Variants in GLP1R observed in about 807,000 individuals in gnomAD.
GLP1R encodes the protein glucagon like peptide 1 receptor.
In GLP1R, 32 loss-of-function variants were observed where a neutral mutation model predicts 68.4. The ratio of observed to expected loss-of-function variants is 0.47; its 90% CI spans 0.35 to 0.63. The LOEUF is 0.63. Ranked by LOEUF, GLP1R falls within the 20% of genes least tolerant of loss-of-function variation. The probability of loss-of-function intolerance (pLI) is 0.00; values close to 1 mark genes in which losing one functional copy is unlikely to be tolerated. For synonymous variants in GLP1R, 263 were observed against 244.4 expected (o/e 1.08, Z -0.71); for missense variants, 502 against 594.9 (o/e 0.84, Z 1.62).
rs137900741 is a variant in GLP1R at position 39,078,377 on chromosome 6, C to T, written c.879C>T (p.Asp293=). 93 of 1,609,014 alleles carry T rather than the reference C, an allele frequency of 5.8e-5. No homozygotes were observed. In the African/African-American group the frequency reaches 6.0e-4, roughly 10 times the overall value. ...PWGIVKYLYE[D]EGCWTRNSNM... ...GCATTGTCAAGTACCTCTATGAGGA[C>T]GAGGGGTGAGTGTCCTGCTCCAAGG... Residue 293 remains aspartate, a synonymous_variant, in exon 8 of 13, where the codon GAC becomes GAT. Coordinates refer to ENST00000373256, the MANE Select transcript of GLP1R (RefSeq NM_002062.5).
intron 1 of GLP1R, among the ~76,000 whole-genome samples, chr6:39,051,286 A>G (rs1249913813): frequency 6.6e-6 from 1 of 152,124 alleles, no homozygotes. Flanking sequence ...TATGGAGGGG[A>G]TTGAGACACT....
intron 1 of GLP1R, among the ~76,000 whole-genome samples, chr6:39,053,283 G>A (rs774458852): frequency 3.5e-4 from 53 of 152,198 alleles, no homozygotes; most frequent in Non-Finnish European, 1.0e-4. Context: ...ATGAAATGGA[G>A]GAGTGGGGGA....
chr6:39,061,381 T>A (rs560741614), intron 3 of GLP1R, among the ~76,000 whole-genome samples: 1 of 152,318 alleles, frequency 6.6e-6, no homozygotes, highest in East Asian at 1.9e-4. Context: ...TCCAGCCTCA[T>A]TAGCTACACC....
chr6:39,059,092 C>G (rs1194922445), intron 3 of GLP1R, among the ~76,000 whole-genome samples: 1 of 152,218 alleles, frequency 6.6e-6, no homozygotes, highest in East Asian at 1.9e-4. Flanking sequence ...ACTCACAGTA[C>G]ACTCACCTCT....
At chr6:39,065,139 G>C (rs1170480674) in intron 3 of GLP1R, among the ~76,000 whole-genome samples, 2 of 152,112 alleles carry the variant, frequency 1.3e-5, no homozygotes, top group African/African-American at 4.8e-5. Context: ...ACTTCTTATG[G>C]GCAGGGCTGT....
chr6:39,082,251 A>G (rs1349114245), intron 12 of GLP1R, among the ~76,000 whole-genome samples: 1 of 152,228 alleles, frequency 6.6e-6, no homozygotes, highest in African/African-American at 2.4e-5. Flanking sequence ...ACTGCATATA[A>G]GGTGCTCAGA....
At position 39,087,647 on chromosome 6, in the gene GLP1R, C is replaced by T. The variant is rs1769182734; in HGVS notation, c.*1574C>T. ...GTGGGAACCCTCCCCAAAACCTTTC[C>T]CCAGACACATTCTCCTGTGCCCCTC... is the stretch of plus-strand genomic sequence containing the variant. On this transcript the variant is annotated 3_prime_UTR_variant, in exon 13 of 13. Transcript: ENST00000373256. 1 of 152,152 alleles carries T rather than the reference C, an allele frequency of 6.6e-6. No homozygotes were observed. Among genetic ancestry groups the T allele is most frequent in the Non-Finnish European group, 1.5e-5 (1 of 68,038 alleles). 9.4% of individuals were successfully genotyped at this position (152,152 alleles called of 1,614,324 possible).
At chr6:39,080,922 C>T (rs1282341706) in intron 12 of GLP1R, among the ~76,000 whole-genome samples, 183 bp downstream of exon 12, 1 of 152,034 alleles carries the variant, frequency 6.6e-6, no homozygotes, top group Admixed American at 6.6e-5. Flanking sequence ...GTCTCTCTCA[C>T]ACATGAACAC....
At chr6:39,061,937 G>A (rs958686267) in intron 3 of GLP1R, among the ~76,000 whole-genome samples, 2 of 152,144 alleles carry the variant, frequency 1.3e-5, no homozygotes, top group African/African-American at 4.8e-5. Context: ...CCTGGCCTTT[G>A]ACCCTCACCT....
chr6:39,066,408 G>A (rs10305459), intron 5 of GLP1R, 105 bp downstream of exon 5: 9 of 648,544 alleles, frequency 1.4e-5, no homozygotes, highest in South Asian at 7.3e-5. Flanking sequence ...CAGCACATTC[G>A]TCCTTCTCTC....
intron 1 of GLP1R, among the ~76,000 whole-genome samples, chr6:39,051,895 G>GTGT (rs201179669): frequency 1.4e-4 from 18 of 126,966 alleles, no homozygotes; most frequent in African/African-American, 4.1e-4. Flanking sequence ...GTGTGTGTGT[G>GTGT]GGGGGGGGGG....
intron 4 of GLP1R, 28 bp downstream of exon 4, chr6:39,065,857 G>A (rs1562009224): frequency 7.4e-7 from 1 of 1,356,766 alleles, no homozygotes; most frequent in Admixed American, 1.7e-5. Flanking sequence ...TCTGAGCCAG[G>A]GAGCGGGGAG....
Position 39,078,037 on chromosome 6 carries a change from C to T in GLP1R, c.824-285C>T, listed in dbSNP as rs368285768. ...TGTGTCTGTGGCCTGGTAACTTAGC[C>T]GGGACTCTGAGGGCAAGTCCTGACA... On this transcript the variant is annotated intron_variant, in intron 7 of 12. Coordinates refer to ENST00000373256, the MANE Select transcript of GLP1R (RefSeq NM_002062.5). Among the ~76,000 whole-genome samples the T allele has an allele frequency of 2.8e-4, 43 of 152,122 alleles. No homozygotes were observed. In the East Asian group the frequency reaches 7.2e-3, roughly 26 times the overall value.
At position 39,056,471 on chromosome 6, in the gene GLP1R, T is replaced by C; in HGVS notation, c.153T>C (p.Thr51=). ...EYRRQCQRSL[T]EDPPPATDLF... ...GACGCCAGTGCCAGCGCTCCCTGACTGAGGATCCACCTCCTGCCACAGGTG... is the reference window on the plus strand; with the variant it reads ...GACGCCAGTGCCAGCGCTCCCTGACCGAGGATCCACCTCCTGCCACAGGTG... Residue 51 remains threonine (T), a synonymous_variant, in exon 2 of 13, where the codon ACT becomes ACC. Transcript: ENST00000373256. 1 of 1,600,274 alleles carries C rather than the reference T, an allele frequency of 6.2e-7. No individual in the cohort carries two copies. The highest frequency in any genetic ancestry group is 8.6e-7 in the Non-Finnish European group (1 of 1,167,440).
At position 39,073,744 on chromosome 6, in the gene GLP1R, C is replaced by G; in HGVS notation, c.798C>G (p.Phe266Leu). The G allele has an allele frequency of 6.2e-7, 1 of 1,614,020 alleles. No individual in the cohort carries two copies. The highest frequency in any genetic ancestry group is 8.5e-7 in the Non-Finnish European group (1 of 1,179,934). The stretch of plus-strand genomic sequence containing the variant: ...CGGTCTTATCTGAGCAATGGATCTT[C>G]AGGCTCTACGTGAGCATAGGCTGGG... ...AFSVLSEQWI[F>L]RLYVSIGWGV... Residue 266 changes from phenylalanine (F) to leucine (L), a missense_variant, in exon 7 of 13, where the codon TTC (phenylalanine) becomes TTG (leucine). Physicochemically the swap from Phe to Leu is conservative, Grantham distance 22. Coordinates refer to ENST00000373256, the MANE Select transcript of GLP1R (RefSeq NM_002062.5).
chr6:39,072,175 A>G (rs1467568200), intron 5 of GLP1R, among the ~76,000 whole-genome samples: 1 of 152,264 alleles, frequency 6.6e-6, no homozygotes, highest in Non-Finnish European at 1.5e-5. Flanking sequence ...CCATCTACAA[A>G]TAATAACTAT....
At chr6:39,082,324 A>C (rs1769027923) in intron 12 of GLP1R, among the ~76,000 whole-genome samples, 1 of 152,214 alleles carries the variant, frequency 6.6e-6, no homozygotes, top group Admixed American at 6.5e-5. Flanking sequence ...TAAGAACGTT[A>C]AGCCTCAGCA....
At chr6:39,053,198 T>G (rs1768128559) in intron 1 of GLP1R, among the ~76,000 whole-genome samples, 1 of 152,156 alleles carries the variant, frequency 6.6e-6, no homozygotes, top group African/African-American at 2.4e-5. Context: ...GACATCTGGA[T>G]TGCATCCTTC....
intron 3 of GLP1R, among the ~76,000 whole-genome samples, chr6:39,059,626 G>A (rs1308819790): frequency 2.0e-5 from 3 of 152,196 alleles, no homozygotes; most frequent in East Asian, 3.9e-4. Context: ...TGACATGGGT[G>A]TCGGGAGGAC....
Sources: gnomAD v4.1 joint callset for allele counts (sites outside exome capture counted in the v4.1 genomes callset) on GRCh38, gnomAD v4.1.1 for gene constraint, MANE v1.5 for transcripts, NCBI Gene and HGNC (gene_info 2026-07-23, HGNC 2026-07-21) for gene names.